Variants in PTH1R observed in about 807,000 individuals in gnomAD.
PTH1R encodes parathyroid hormone/parathyroid hormone-related peptide receptor.
PTH1R carries 32 observed loss-of-function variants against 70.7 expected under a neutral mutation model. The ratio of observed to expected loss-of-function variants is 0.45; its 90% CI spans 0.34 to 0.61. PTH1R has a LOEUF of 0.61. PTH1R is among the 20% of genes least tolerant of loss of function. The probability of loss-of-function intolerance (pLI) is 0.01; values close to 1 mark genes in which losing one functional copy is unlikely to be tolerated. For synonymous variants in PTH1R, 329 were observed against 324.8 expected (o/e 1.01, Z -0.14); for missense variants, 626 against 792.5 (o/e 0.79, Z 2.52).
At position 46,891,857 on chromosome 3, in the gene PTH1R, G is replaced by A. The variant is rs750546866; in HGVS notation, c.76-2050G>A. ...GTACTGGGAGGGACTGGTGATGCTG[G>A]TGTTGGTGTTAGTGACAGTAATGAT... On this transcript the variant is annotated intron_variant, in intron 3 of 15. Coordinates refer to ENST00000449590, the MANE Select transcript of PTH1R (RefSeq NM_000316.3). The surrounding 1 kb of genome is among the most constrained non-coding windows in gnomAD (Gnocchi z 4.3). Among the ~76,000 whole-genome samples, 38 of 152,072 alleles carry A rather than the reference G, an allele frequency of 2.5e-4. No homozygotes were observed. Among genetic ancestry groups the A allele is most frequent in the Non-Finnish European group, 4.9e-4 (33 of 68,000 alleles).
Position 46,892,940 on chromosome 3 carries a change from C to T in PTH1R, c.76-967C>T, listed in dbSNP as rs2031519829. On this transcript the variant is annotated intron_variant, in intron 3 of 15. Transcript: ENST00000449590. The surrounding 1 kb of genome is among the most constrained non-coding windows in gnomAD (Gnocchi z 5.2). Reference sequence around the variant, plus strand: ...CCCCGCCCTGGGGAGGTTTCAGAGACCGCCTTAACCTCTGCGGGTCACATT... The same window carrying T: ...CCCCGCCCTGGGGAGGTTTCAGAGATCGCCTTAACCTCTGCGGGTCACATT... 5.4e-6 allele frequency: 2 copies of T among 372,322 alleles called. No individual in the cohort carries two copies. The highest frequency in any genetic ancestry group is 1.1e-4 in the South Asian group (1 of 9,220). The allele number at this position is 372,322 out of a possible 1,614,324, so 23.1% of individuals were successfully genotyped here.
Position 46,893,835 on chromosome 3 carries a change from AAATTGGGATGT to A in PTH1R, c.76-71_76-61del. 1.4e-6 allele frequency: 2 copies of A among 1,430,450 alleles called. No homozygotes were observed. The highest frequency in any genetic ancestry group is 2.0e-6 in the Non-Finnish European group (2 of 1,024,246). The allele number at this position is 1,430,450 out of a possible 1,614,324, so 88.6% of individuals were successfully genotyped here. On this transcript the variant is annotated intron_variant, in intron 3 of 15. Coordinates refer to ENST00000449590, the MANE Select transcript of PTH1R (RefSeq NM_000316.3). This position sits in a 1 kb window ranked among gnomAD's most constrained non-coding sequence, Gnocchi z 5.2. Reference sequence around the variant, plus strand: ...TTTGAAAGGGGGTAGTCCCTCTGGGAAATTGGGATGTCTCTGGGACCTGCTGCTGCGCCGGA... The same window carrying A: ...TTTGAAAGGGGGTAGTCCCTCTGGGACTCTGGGACCTGCTGCTGCGCCGGA...
In PTH1R at chr3:46,891,001, C is replaced by T. The variant is rs1471939501; in HGVS notation, c.76-2906C>T. The stretch of plus-strand genomic sequence containing the variant: ...GGCATTCCAGGCACGGAGCTGTGAG[C>T]TAACGTTTGGAGGGGTAGCGCACTT... On this transcript the variant is annotated intron_variant, in intron 3 of 15. Coordinates refer to ENST00000449590, the MANE Select transcript of PTH1R (RefSeq NM_000316.3). The surrounding 1 kb of genome is among the most constrained non-coding windows in gnomAD (Gnocchi z 4.3). Among the ~76,000 whole-genome samples the T allele has an allele frequency of 1.3e-5, 2 of 152,172 alleles. No individual in the cohort carries two copies. Among genetic ancestry groups the T allele is most frequent in the Admixed American group, 6.5e-5 (1 of 15,280 alleles).
rs1292464693 is a variant in PTH1R, at chr3:46,879,647, T to G, written c.-105-1415T>G. The stretch of plus-strand genomic sequence containing the variant: ...CTGTGGTGCCAGCTACATGAGAGGC[T>G]GAGGTGAGAGGATTGCTTGAGCCCA... On this transcript the variant is annotated intron_variant, in intron 1 of 15. Transcript: ENST00000449590. This position sits in a 1 kb window ranked among gnomAD's most constrained non-coding sequence, Gnocchi z 4.7. Among the ~76,000 whole-genome samples, 1 of 152,136 alleles carries G rather than the reference T, an allele frequency of 6.6e-6. No individual in the cohort carries two copies. The highest frequency in any genetic ancestry group is 1.5e-5 in the Non-Finnish European group (1 of 68,020).
chr3:46,890,212 C>T (rs1018917524), intron 3 of PTH1R, among the ~76,000 whole-genome samples: 3 of 152,160 alleles, frequency 2.0e-5, no homozygotes, highest in African/African-American at 7.2e-5. Context: ...AGCAGGTCCT[C>T]CTGTAGTCCC....
chr3:46,903,504 G>A lies in PTH1R; in HGVS notation c.1630G>A (p.Ala544Thr). 1 of 1,613,908 alleles carries A rather than the reference G, an allele frequency of 6.2e-7. No individual in the cohort carries two copies. Among genetic ancestry groups the A allele is most frequent in the Non-Finnish European group, 8.5e-7 (1 of 1,180,020 alleles). ...TGGCCATGCCAAGCCAGGGACCCCAGCCCTGGAGACCCTCGAGACCACACC... is the reference window on the plus strand; with the variant it reads ...TGGCCATGCCAAGCCAGGGACCCCAACCCTGGAGACCCTCGAGACCACACC... ...LPGHAKPGTP[A>T]LETLETTPPA... Residue 544 changes from alanine to threonine, a missense_variant, in exon 16 of 16, where the codon GCC becomes ACC. Around this residue, in one of 3 missense-constraint regions of PTH1R, gnomAD observed 495 missense variants for 638.7 expected, o/e 0.77. Coordinates refer to ENST00000449590, the MANE Select transcript of PTH1R (RefSeq NM_000316.3). The surrounding 1 kb of genome is among the most constrained non-coding windows in gnomAD (Gnocchi z 4.4).
At chr3:46,898,572 T>A in intron 8 of PTH1R, 90 bp from the exon 9 acceptor site, 1 of 1,594,994 alleles carries the variant, frequency 6.3e-7, no homozygotes, top group Non-Finnish European at 8.5e-7. Flanking sequence ...CCCCGGCGGG[T>A]GTCCCTACCT....
rs2031771440 is a variant in PTH1R, at chr3:46,896,582, TGTGGGCCTGGCTGG to T, written c.313+719_313+732del. The stretch of plus-strand genomic sequence containing the variant: ...TGGCTCCCTGGGGACCAGAGGGAAT[TGTGGGCCTGGCTGG>T]GTGGGGCTGGGAATATGGCGCCCAG... On this transcript the variant is annotated intron_variant, in intron 5 of 15. Transcript: ENST00000449590. The surrounding 1 kb of genome is among the most constrained non-coding windows in gnomAD (Gnocchi z 4.1). Among the ~76,000 whole-genome samples, 1 of 151,974 alleles carries T rather than the reference TGTGGGCCTGGCTGG, an allele frequency of 6.6e-6. No individual in the cohort carries two copies. The highest frequency in any genetic ancestry group is 1.5e-5 in the Non-Finnish European group (1 of 67,968).
At chr3:46,894,595 C>G (rs1449295930) in intron 4 of PTH1R, among the ~76,000 whole-genome samples, 2 of 152,108 alleles carry the variant, frequency 1.3e-5, no homozygotes, top group Non-Finnish European at 2.9e-5. Context: ...CCTGGAGGAG[C>G]CTCTCTTTGC....
intron 5 of PTH1R, among the ~76,000 whole-genome samples, 197 bp from the exon 6 acceptor site, chr3:46,897,658 G>A (rs996689785): frequency 3.3e-4 from 50 of 152,324 alleles, no homozygotes; most frequent in Non-Finnish European, 5.7e-4. Flanking sequence ...TTGAACCTGG[G>A]AGGCGGAGGT....
In PTH1R at chr3:46,898,653, G is replaced by A; in HGVS notation, c.639-9G>A. On this transcript the variant is annotated splice_polypyrimidine_tract_variant and intron_variant, in intron 8 of 15. Transcript: ENST00000449590. The stretch of plus-strand genomic sequence containing the variant: ...GCCCCCACCCACGGTCATGTCGCGC[G>A]CCCCGCAGGCGGCTGCACTGCACGC... 1.9e-6 allele frequency: 3 copies of A among 1,611,340 alleles called. No homozygotes were observed. The highest frequency in any genetic ancestry group is 2.5e-6 in the Non-Finnish European group (3 of 1,179,648).
Position 46,893,926 on chromosome 3 carries a change from T to C in PTH1R, c.95T>C (p.Met32Thr), listed in dbSNP as rs2031579553. ...AYALVDADDV[M>T]TKEEQIFLLH... Reference sequence around the variant, plus strand: ...TGGCAGGTGGATGCAGATGACGTCATGACTAAAGAGGAACAGATCTTCCTG... The same window carrying C: ...TGGCAGGTGGATGCAGATGACGTCACGACTAAAGAGGAACAGATCTTCCTG... Residue 32 changes from methionine to threonine, a missense_variant, in exon 4 of 16, where the codon ATG becomes ACG. Met to Thr is a moderately conservative substitution (Grantham distance 81, BLOSUM62 -1). This residue lies in a region of PTH1R where 123 missense variants were observed against 125.7 expected (regional missense o/e 0.98). Coordinates refer to ENST00000449590, the MANE Select transcript of PTH1R (RefSeq NM_000316.3). The surrounding 1 kb of genome is among the most constrained non-coding windows in gnomAD (Gnocchi z 5.2). The C allele has an allele frequency of 1.2e-6, 2 of 1,614,016 alleles. No homozygotes were observed. The highest frequency in any genetic ancestry group is 1.7e-6 in the Non-Finnish European group (2 of 1,180,028).
Position 46,882,752 on chromosome 3 carries a change from C to T in PTH1R, c.-48-760C>T, listed in dbSNP as rs1318133546. On this transcript the variant is annotated intron_variant, in intron 2 of 15. Transcript: ENST00000449590. This position sits in a 1 kb window ranked among gnomAD's most constrained non-coding sequence, Gnocchi z 4.3. ...AGGCCAAGGCCGGGGGAGCTAGAGACGGACTGACAGACAGGCAGACCGACA... is the reference window on the plus strand; with the variant it reads ...AGGCCAAGGCCGGGGGAGCTAGAGATGGACTGACAGACAGGCAGACCGACA... Among the ~76,000 whole-genome samples, 2 of 152,102 alleles carry T rather than the reference C, an allele frequency of 1.3e-5. No individual in the cohort carries two copies. The highest frequency in any genetic ancestry group is 4.8e-5 in the African/African-American group (2 of 41,426).
At position 46,882,414 on chromosome 3, in the gene PTH1R, G is replaced by T; in HGVS notation, c.-48-1098G>T. 6.6e-6 allele frequency: 1 copy of T among 151,664 alleles called. No homozygotes were observed. The highest frequency in any genetic ancestry group is 2.1e-4 in the South Asian group (1 of 4,796). The allele number at this position is 151,664 out of a possible 1,614,324, so 9.4% of individuals were successfully genotyped here. The stretch of plus-strand genomic sequence containing the variant: ...GGGCGCTGGCTTGGGGAGGCTGTCG[G>T]GGGGGCCCCGACATCCATGGCAAGG... On this transcript the variant is annotated intron_variant, in intron 2 of 15. Coordinates refer to ENST00000449590, the MANE Select transcript of PTH1R (RefSeq NM_000316.3). The surrounding 1 kb of genome is among the most constrained non-coding windows in gnomAD (Gnocchi z 4.3).
At position 46,893,538 on chromosome 3, in the gene PTH1R, C is replaced by G. The variant is rs2031556519; in HGVS notation, c.76-369C>G. Among the ~76,000 whole-genome samples the G allele has an allele frequency of 1.3e-5, 2 of 151,830 alleles. No homozygotes were observed. Among genetic ancestry groups the G allele is most frequent in the Admixed American group, 6.6e-5 (1 of 15,258 alleles). ...CACCCCCTGCCCCCGACTCATGTCC[C>G]CAGCAGGCAGCCAGGATCCTGTGTG... On this transcript the variant is annotated intron_variant, in intron 3 of 15. Transcript: ENST00000449590. This position sits in a 1 kb window ranked among gnomAD's most constrained non-coding sequence, Gnocchi z 5.2.
intron 3 of PTH1R, among the ~76,000 whole-genome samples, chr3:46,890,329 G>A (rs2031329931): frequency 6.6e-6 from 1 of 151,986 alleles, no homozygotes; most frequent in Admixed American, 6.6e-5. Context: ...TGGGTCCCTG[G>A]CCTGGCTGGG....
In PTH1R at chr3:46,903,568, A is replaced by G. The variant is rs980574692; in HGVS notation, c.1694A>G (p.Asn565Ser). The stretch of plus-strand genomic sequence containing the variant: ...GCTCCCAAGGACGATGGGTTCCTCA[A>G]CGGCTCCTGCTCAGGCCTGGACGAG... ...MAAPKDDGFLNGSCSGLDEEA... is the reference protein window; with the variant it reads ...MAAPKDDGFLSGSCSGLDEEA... Residue 565 changes from asparagine to serine, a missense_variant, in exon 16 of 16, where the codon AAC becomes AGC. Asn to Ser is a conservative substitution (Grantham distance 46). Coordinates refer to ENST00000449590, the MANE Select transcript of PTH1R (RefSeq NM_000316.3). This position sits in a 1 kb window ranked among gnomAD's most constrained non-coding sequence, Gnocchi z 4.4. The G allele has an allele frequency of 1.2e-6, 2 of 1,613,758 alleles. No homozygotes were observed. Among genetic ancestry groups the G allele is most frequent in the East Asian group, 2.2e-5 (1 of 44,850 alleles).
Position 46,898,126 on chromosome 3 carries a change from G to A in PTH1R, c.477G>A (p.Gly159=), listed in dbSNP as rs1575521179. 1 of 1,614,202 alleles carries A rather than the reference G, an allele frequency of 6.2e-7. No homozygotes were observed. The highest frequency in any genetic ancestry group is 8.5e-7 in the Non-Finnish European group (1 of 1,180,034). Reference sequence around the variant, plus strand: ...ATGGCAGCTGGGAGCTGGTGCCTGGGCACAACAGGACGTGGGCCAACTACA... The same window carrying A: ...ATGGCAGCTGGGAGCTGGTGCCTGGACACAACAGGACGTGGGCCAACTACA... ...DRNGSWELVP[G]HNRTWANYSE... The change falls in exon 7 of 16, where the codon GGG becomes GGA. Residue 159 remains glycine, a synonymous_variant. Coordinates refer to ENST00000449590, the MANE Select transcript of PTH1R (RefSeq NM_000316.3).
rs1164294264 is a variant in PTH1R, at chr3:46,879,045, ATG to A, written c.-106+1207_-106+1208del. Among the ~76,000 whole-genome samples, 1 of 152,238 alleles carries A rather than the reference ATG, an allele frequency of 6.6e-6. No homozygotes were observed. The highest frequency in any genetic ancestry group is 2.4e-5 in the African/African-American group (1 of 41,472). On this transcript the variant is annotated intron_variant, in intron 1 of 15. Transcript: ENST00000449590. This position sits in a 1 kb window ranked among gnomAD's most constrained non-coding sequence, Gnocchi z 4.7. ...CCAGGTGCTTGGGTGCTACCAGTTA[ATG>A]TGTGACACCCCCACCCTCATGGTAG...
Sources: allele counts gnomAD v4.1 joint callset (sites outside exome capture counted in the v4.1 genomes callset), GRCh38; gene constraint gnomAD v4.1.1; regional missense constraint gnomAD v4.1.1; non-coding constraint Gnocchi (gnomAD v3.1); transcripts MANE v1.5; gene names NCBI Gene and HGNC (gene_info 2026-07-23, HGNC 2026-07-21).